The following RSRC1 variants were observed in gnomAD, a reference collection of about 807,000 sequenced individuals.
The protein encoded by RSRC1 is arginine and serine rich coiled-coil 1.
RSRC1 carries 39 observed loss-of-function variants against 49.1 expected under a neutral mutation model. The ratio of observed to expected loss-of-function variants is 0.79; its 90% CI spans 0.61 to 1.04. The LOEUF is 1.04. Among genes scored for constraint, RSRC1 ranks in the 50% least tolerant of loss-of-function variants. RSRC1 has a pLI of 0.00. For missense variants in RSRC1, 388 were observed against 402.4 expected, an observed-to-expected ratio of 0.96 and a Z score of 0.31; for synonymous variants, 143 against 130.8, an observed-to-expected ratio of 1.09 and a Z score of -0.63.
chr3:158,327,686 T>A (rs2108185656), intron 5 of RSRC1, among the ~76,000 whole-genome samples: 1 of 152,268 alleles, frequency 6.6e-6, no homozygotes, highest in African/African-American at 2.4e-5. Flanking sequence ...TGTGGTGTGG[T>A]GCTGAAAAGA....
At chr3:158,426,917 T>G (rs762940720) in intron 6 of RSRC1, among the ~76,000 whole-genome samples, 17 of 151,814 alleles carry the variant, frequency 1.1e-4, no homozygotes, top group Admixed American at 7.9e-4. Context: ...TTGAGACTAG[T>G]CAGTTGGTTC....
At chr3:158,400,083 T>C (rs1277196234) in intron 6 of RSRC1, among the ~76,000 whole-genome samples, 1 of 152,144 alleles carries the variant, frequency 6.6e-6, no homozygotes, top group African/African-American at 2.4e-5. Context: ...AGAGGTATAC[T>C]GTAGAGTTAC....
At chr3:158,114,344 C>A (rs905314927) in intron 1 of RSRC1, among the ~76,000 whole-genome samples, 3 of 152,086 alleles carry the variant, frequency 2.0e-5, no homozygotes, top group Non-Finnish European at 4.4e-5. Context: ...CTATTCTGTT[C>A]CATTGGTCTA....
At chr3:158,177,765 A>C (rs978117993) in intron 3 of RSRC1, among the ~76,000 whole-genome samples, 1 of 152,218 alleles carries the variant, frequency 6.6e-6, no homozygotes, top group Non-Finnish European at 1.5e-5. Flanking sequence ...CACTCTGCAC[A>C]TGTACCCTAG....
chr3:158,413,645 G>GA (rs138249830), intron 6 of RSRC1, among the ~76,000 whole-genome samples: 68,322 of 148,912 alleles, frequency 0.46, 15,798 homozygotes, highest in African/African-American at 0.53. Flanking sequence ...AATTACAAGA[G>GA]AAAAAAAAAG....
chr3:158,207,070 C>T (rs1379341068), intron 4 of RSRC1, among the ~76,000 whole-genome samples: 1 of 152,204 alleles, frequency 6.6e-6, no homozygotes, highest in Non-Finnish European at 1.5e-5. Context: ...GGCTTGTGGT[C>T]ATAGAGCTAA....
In RSRC1 at chr3:158,481,950, TA is replaced by T. The variant is rs529479877; in HGVS notation, c.652+20949del. Among the ~76,000 whole-genome samples, 351 of 152,126 alleles carry T rather than the reference TA, an allele frequency of 2.3e-3. 3 individuals are homozygous for T. The highest frequency in any genetic ancestry group is 8.0e-3 in the African/African-American group (332 of 41,556). On this transcript the variant is annotated intron_variant, in intron 7 of 9. Coordinates refer to ENST00000611884, the MANE Select transcript of RSRC1 (RefSeq NM_001271838.2). ...ACCTAGCACAGAGTGATTTGTGTAA[TA>T]ATTAGAAAATGAAAGATTATGATTC...
At chr3:158,172,793 C>T (rs1718951446) in intron 3 of RSRC1, among the ~76,000 whole-genome samples, 1 of 151,966 alleles carries the variant, frequency 6.6e-6, no homozygotes, top group African/African-American at 2.4e-5. Context: ...TGTTTTAACT[C>T]TGTGAGGTTA....
chr3:158,516,225 G>C (rs920381133), intron 7 of RSRC1, among the ~76,000 whole-genome samples: 5 of 152,022 alleles, frequency 3.3e-5, no homozygotes, highest in Non-Finnish European at 5.9e-5. Context: ...CATCTTTGTG[G>C]TTTTATCTAC....
chr3:158,237,297 A>G (rs891056098), intron 4 of RSRC1, among the ~76,000 whole-genome samples: 2 of 152,208 alleles, frequency 1.3e-5, no homozygotes, highest in African/African-American at 4.8e-5. Context: ...GCAGCTTTGA[A>G]CACTTACATA....
intron 6 of RSRC1, among the ~76,000 whole-genome samples, chr3:158,400,176 C>G (rs1245837761): frequency 6.6e-6 from 1 of 151,960 alleles, no homozygotes; most frequent in Non-Finnish European, 1.5e-5. Flanking sequence ...TATAATGGAG[C>G]TGAAAAATTC....
At chr3:158,150,916 T>C (rs1056970571) in intron 3 of RSRC1, among the ~76,000 whole-genome samples, 1 of 152,326 alleles carries the variant, frequency 6.6e-6, no homozygotes, top group Admixed American at 6.5e-5. Context: ...TTTAAATTCC[T>C]GGTAACTTCA....
chr3:158,344,140 T>C (rs949735410), intron 5 of RSRC1, among the ~76,000 whole-genome samples: 1 of 152,112 alleles, frequency 6.6e-6, no homozygotes, highest in African/African-American at 2.4e-5. Flanking sequence ...GCGCCTGTAA[T>C]CCTAGCTACT....
At chr3:158,520,818 T>C (rs1345200808) in intron 7 of RSRC1, among the ~76,000 whole-genome samples, 1 of 152,228 alleles carries the variant, frequency 6.6e-6, no homozygotes, top group Non-Finnish European at 1.5e-5. Flanking sequence ...AAGTGTGTTA[T>C]GCATGTCTAT....
chr3:158,444,646 A>G (rs1050200038), intron 6 of RSRC1, among the ~76,000 whole-genome samples: 10 of 152,224 alleles, frequency 6.6e-5, no homozygotes, highest in Non-Finnish European at 1.3e-4. Flanking sequence ...ACAAAAGCCA[A>G]AATTGACAAA....
At chr3:158,195,248 GTGA>G (rs1258950314) in intron 3 of RSRC1, among the ~76,000 whole-genome samples, 3 of 152,124 alleles carry the variant, frequency 2.0e-5, no homozygotes, top group African/African-American at 2.4e-5. Context: ...CTGATGGCCA[GTGA>G]TGATGAGCAT....
chr3:158,442,309 C>T (rs988439174), intron 6 of RSRC1, among the ~76,000 whole-genome samples: 4 of 152,122 alleles, frequency 2.6e-5, no homozygotes, highest in African/African-American at 9.7e-5. Context: ...GAATTTCTTT[C>T]AACATTGGAG....
chr3:158,418,493 T>TA (rs1314044496), intron 6 of RSRC1, among the ~76,000 whole-genome samples: 3 of 151,984 alleles, frequency 2.0e-5, no homozygotes, highest in Non-Finnish European at 2.9e-5. Flanking sequence ...ATTGATACTC[T>TA]ACATGATTGA....
chr3:158,296,074 C>A (rs960309689), intron 4 of RSRC1, among the ~76,000 whole-genome samples: 1 of 152,072 alleles, frequency 6.6e-6, no homozygotes, highest in Admixed American at 6.6e-5. Flanking sequence ...TAAAGCATGT[C>A]TAGCCCCAGC....
Sources: allele counts gnomAD v4.1 joint callset (sites outside exome capture counted in the v4.1 genomes callset), GRCh38; gene constraint gnomAD v4.1.1; transcripts MANE v1.5; gene names NCBI Gene and HGNC (gene_info 2026-07-23, HGNC 2026-07-21).